SEC31B: variants seen among roughly 807,000 people sequenced by gnomAD.
SEC31B encodes SEC31 homolog B, COPII component.
In SEC31B, 113 loss-of-function variants were observed where a neutral mutation model predicts 135.0. The ratio of observed to expected loss-of-function variants is 0.84; its 90% confidence interval spans 0.72 to 0.98. The LOEUF (loss-of-function observed/expected upper bound fraction) is 0.98. Ranked by LOEUF, SEC31B falls within the 50% of genes least tolerant of loss-of-function variation. The probability of loss-of-function intolerance (pLI) is 0.00; values close to 1 mark genes in which losing one functional copy is unlikely to be tolerated. For missense variants in SEC31B, 1,296 were observed against 1,421.1 expected, an observed-to-expected ratio of 0.91 and a Z score of 1.42; for synonymous variants, 508 against 549.4, an observed-to-expected ratio of 0.92 and a Z score of 1.05.
At chr10:100,503,859 C>T (rs879473772) in intron 10 of SEC31B, among the ~76,000 whole-genome samples, 2 of 151,676 alleles carry the variant, frequency 1.3e-5, no homozygotes, top group Non-Finnish European at 2.9e-5. Flanking sequence ...GATTATTTGG[C>T]GTTGATAACT....
In SEC31B at chr10:100,490,281, C is replaced by T. The variant is rs1851276330; in HGVS notation, c.2692G>A (p.Val898Ile). ...CCAGGGAATCCCACCGGGTTAGGAA[C>T]TTGCACCCTTTGCCCTCCTAATAGC... ...PQLLGGQRVQ[V>I]PNPVGFPGTW... Residue 898 changes from valine to isoleucine, a missense_variant, in exon 21 of 26, where the codon GTT becomes ATT. By Grantham distance (29) the Val-to-Ile change is conservative (BLOSUM62 3). Transcript: ENST00000370345. 1.2e-6 allele frequency: 2 copies of T among 1,614,004 alleles called. No individual in the cohort carries two copies. Among genetic ancestry groups the T allele is most frequent in the Non-Finnish European group, 1.7e-6 (2 of 1,179,956 alleles).
At chr10:100,499,974 C>A in intron 11 of SEC31B, 1 of 428,014 alleles carries the variant, frequency 2.3e-6, no homozygotes, top group South Asian at 1.7e-5. Flanking sequence ...ACATGCTATG[C>A]ATTTCCCTGT....
At chr10:100,512,983 G>T (rs1851762307) in intron 3 of SEC31B, among the ~76,000 whole-genome samples, 1 of 152,122 alleles carries the variant, frequency 6.6e-6, no homozygotes, top group Non-Finnish European at 1.5e-5. Context: ...GCATGCAGAA[G>T]ACACAGAAAA....
intron 14 of SEC31B, 33 bp downstream of exon 14, chr10:100,498,672 A>G: frequency 1.3e-6 from 2 of 1,525,048 alleles, no homozygotes; most frequent in South Asian, 2.2e-5. Flanking sequence ...AGTCCTAAGC[A>G]GAGACTCTCC....
In SEC31B at chr10:100,487,577, AC is replaced by A; in HGVS notation, c.*38del. Reference sequence around the variant, plus strand: ...CTCTTCTGCAGGGAGGAGTTATGTAACAGCAGAAGTGGCCTCCTAGCAAGAG... The same window carrying A: ...CTCTTCTGCAGGGAGGAGTTATGTAAAGCAGAAGTGGCCTCCTAGCAAGAG... On this transcript the variant is annotated 3_prime_UTR_variant, in exon 26 of 26. Transcript: ENST00000370345. 1 of 1,573,412 alleles carries A rather than the reference AC, an allele frequency of 6.4e-7. No homozygotes were observed. Among genetic ancestry groups the A allele is most frequent in the South Asian group, 1.1e-5 (1 of 88,004 alleles).
rs1432345018 is a variant in SEC31B, at chr10:100,487,160, G to A, written c.*456C>T. 1 of 180,180 alleles carries A rather than the reference G, an allele frequency of 5.6e-6. No homozygotes were observed. The highest frequency in any genetic ancestry group is 1.2e-5 in the Non-Finnish European group (1 of 85,976). The allele number at this position is 180,180 out of a possible 1,614,324, so 11.2% of individuals were successfully genotyped here. A position where few individuals can be genotyped will look rare whatever the true frequency, so the allele number is the denominator to read the frequency against. ...CTGGGCTACAGAGAAATACGGACCTGGAAATACCAAGTCAGAGGCAGGGAA... is the reference window on the plus strand; with the variant it reads ...CTGGGCTACAGAGAAATACGGACCTAGAAATACCAAGTCAGAGGCAGGGAA... On this transcript the variant is annotated 3_prime_UTR_variant, in exon 26 of 26. Transcript: ENST00000370345.
intron 20 of SEC31B, 157 bp downstream of exon 20, chr10:100,490,549 G>C: frequency 1.1e-6 from 1 of 898,198 alleles, no homozygotes; most frequent in East Asian, 2.8e-5. Context: ...TATTGCCAAA[G>C]GTACGAAGCC....
rs539802100 is a variant in SEC31B at position 100,505,418 on chromosome 10, T to C, written c.1122A>G (p.Ile374Met). Residue 374 changes from isoleucine to methionine, a missense_variant, in exon 10 of 26, where the codon ATA (isoleucine) becomes ATG (methionine). Ile to Met is a conservative substitution (Grantham distance 10, BLOSUM62 1). Coordinates refer to ENST00000370345, the MANE Select transcript of SEC31B (RefSeq NM_015490.4). ...VPEQVAQAPL[I>M]PPLKKPPKWI... ...ATTTGGGGGGTTTTTTCAGGGGAGG[T>C]ATCAGTGGTGCTTGTGCCACTTGCT... is the stretch of plus-strand genomic sequence containing the variant. 14 of 1,607,356 alleles carry C rather than the reference T, an allele frequency of 8.7e-6. No homozygotes were observed. Among genetic ancestry groups the C allele is most frequent in the Non-Finnish European group, 1.2e-5 (14 of 1,176,848 alleles).
At chr10:100,505,063 T>C (rs779456389) in intron 10 of SEC31B, among the ~76,000 whole-genome samples, 6 of 151,994 alleles carry the variant, frequency 3.9e-5, no homozygotes, top group Non-Finnish European at 7.4e-5. Context: ...TCCAGACACG[T>C]AAGGGTTAGA....
intron 5 of SEC31B, chr10:100,508,797 G>T: frequency 1.7e-6 from 1 of 584,732 alleles, no homozygotes; most frequent in Non-Finnish European, 3.0e-6. Flanking sequence ...AACGAGTAAT[G>T]AGCACAAACC....
chr10:100,509,013 C>T lies in SEC31B; in HGVS notation c.489G>A (p.Lys163=). 1 of 1,613,412 alleles carries T rather than the reference C, an allele frequency of 6.2e-7. No individual in the cohort carries two copies. Among genetic ancestry groups the T allele is most frequent in the Non-Finnish European group, 8.5e-7 (1 of 1,179,326 alleles). Residue 163 remains lysine (K), a synonymous_variant, in exon 5 of 26, where the codon AAG becomes AAA. Coordinates refer to ENST00000370345, the MANE Select transcript of SEC31B (RefSeq NM_015490.4). ...TAGTGGGGGTGCTGCTCACCTGTGA[C>T]TTGGATCCCAGGGTCATTGGCACAT... ...NLNVPMTLGS[K]SQQPPEDIKA...
At chr10:100,504,247 T>C (rs12780796) in intron 10 of SEC31B, among the ~76,000 whole-genome samples, 31,568 of 152,212 alleles carry the variant, frequency 0.21, 4,099 homozygotes, top group Non-Finnish European at 0.28. Flanking sequence ...TTCTTTTTCT[T>C]TTTAAGCTCA....
At chr10:100,497,026 G>A (rs1851422581) in intron 17 of SEC31B, 109 bp downstream of exon 17, 2 of 1,340,134 alleles carry the variant, frequency 1.5e-6, no homozygotes, top group Non-Finnish European at 2.1e-6. Context: ...CTAACACCGT[G>A]GTTCCAGCCT....
At chr10:100,514,172 G>C (rs1013864535) in intron 3 of SEC31B, among the ~76,000 whole-genome samples, 4 of 152,054 alleles carry the variant, frequency 2.6e-5, no homozygotes, top group African/African-American at 9.7e-5. Flanking sequence ...GTGACAGAGT[G>C]AGATTCTGTC....
chr10:100,516,334 CA>C, intron 2 of SEC31B, 115 bp from the exon 3 acceptor site: 1 of 1,226,544 alleles, frequency 8.2e-7, no homozygotes, highest in Non-Finnish European at 1.1e-6. Flanking sequence ...TACCCTTTCT[CA>C]AAGGTAACTC....
chr10:100,504,118 G>A (rs1410161997), intron 10 of SEC31B, among the ~76,000 whole-genome samples: 9 of 152,170 alleles, frequency 5.9e-5, no homozygotes, highest in East Asian at 5.8e-4. Flanking sequence ...CTGTTTTACC[G>A]ATAAGAACGG....
At chr10:100,513,950 C>T (rs1294478063) in intron 3 of SEC31B, among the ~76,000 whole-genome samples, 3 of 151,690 alleles carry the variant, frequency 2.0e-5, no homozygotes, top group East Asian at 1.9e-4. Context: ...TTTGGGAGGC[C>T]GAGGTGGTTG....
At chr10:100,512,750 T>C (rs1440582829) in intron 3 of SEC31B, among the ~76,000 whole-genome samples, 1 of 152,030 alleles carries the variant, frequency 6.6e-6, no homozygotes, top group African/African-American at 2.4e-5. Flanking sequence ...GGTTTAAAAA[T>C]GGAAAAATGA....
chr10:100,518,755 T>C (rs908021604), intron 1 of SEC31B, among the ~76,000 whole-genome samples: 5 of 152,220 alleles, frequency 3.3e-5, no homozygotes, highest in African/African-American at 1.2e-4. Context: ...GTCAGATCAG[T>C]CTCACCTACA....
Sources: gnomAD v4.1 joint callset for allele counts (sites outside exome capture counted in the v4.1 genomes callset) on GRCh38, gnomAD v4.1.1 for gene constraint, MANE v1.5 for transcripts, NCBI Gene and HGNC (gene_info 2026-07-23, HGNC 2026-07-21) for gene names.